ALLC: variants seen among roughly 807,000 people sequenced by gnomAD.
ALLC encodes probable inactive allantoicase.
In ALLC, 40 loss-of-function variants were observed where a neutral mutation model predicts 45.0. The ratio of observed to expected loss-of-function variants is 0.89; its 90% CI spans 0.69 to 1.16. The LOEUF (loss-of-function observed/expected upper bound fraction) is 1.16, where lower values mean the gene tolerates loss of function less well. ALLC is among the 50% of genes most tolerant of loss of function. ALLC has a pLI of 0.00. For synonymous variants in ALLC, 176 were observed against 178.1 expected (o/e 0.99, Z 0.09); for missense variants, 488 against 493.1 (o/e 0.99, Z 0.10).
chr2:3,655,878 T>A (rs541433485), upstream of ALLC, among the ~76,000 whole-genome samples: 81 of 151,812 alleles, frequency 5.3e-4, no homozygotes, highest in Non-Finnish European at 8.8e-4. Context: ...GCTCTGCCCC[T>A]GTGCTTCTGC....
chr2:3,682,005 C>G (rs774317104), intron 6 of ALLC, among the ~76,000 whole-genome samples: 11 of 152,108 alleles, frequency 7.2e-5, no homozygotes, highest in Non-Finnish European at 1.5e-4. Context: ...CGTTTAAACA[C>G]TTTTTATACC....
At chr2:3,650,164 G>C in the ALLC span, among the ~76,000 whole-genome samples, 1 of 152,336 alleles carries the variant, frequency 6.6e-6, no homozygotes, top group Non-Finnish European at 1.5e-5. Context: ...GAAGGGAAGA[G>C]GGCAGCGCTG....
At chr2:3,694,550 T>C (rs1404109849) in intron 7 of ALLC, 2 of 152,252 alleles carry the variant, frequency 1.3e-5, no homozygotes, top group Non-Finnish European at 2.9e-5. Flanking sequence ...TGAAATCGAC[T>C]TCACTTTCAA....
rs528167675 is a variant in ALLC at position 3,701,419 on chromosome 2, G to T, written c.851-93G>T. The T allele has an allele frequency of 5.7e-6, 8 of 1,392,394 alleles. No individual in the cohort carries two copies. In the Admixed American group the frequency reaches 8.1e-5, roughly 14 times the overall value. The allele number at this position is 1,392,394 out of a possible 1,614,324, so 86.3% of individuals were successfully genotyped here. ...GAAGAGCAGGGACTTGTTTTTTGCTGGGTTTTTGATCTTATTAAAAAAGCA... is the reference window on the plus strand; with the variant it reads ...GAAGAGCAGGGACTTGTTTTTTGCTTGGTTTTTGATCTTATTAAAAAAGCA... On this transcript the variant is annotated intron_variant, in intron 10 of 11. Transcript: ENST00000252505.
chr2:3,681,785 T>A, intron 6 of ALLC, 72 bp downstream of exon 6: 17 of 1,243,720 alleles, frequency 1.4e-5, no homozygotes, highest in Non-Finnish European at 1.6e-5. Flanking sequence ...TCTGCACACC[T>A]GGCTGTGCAA....
intron 7 of ALLC, among the ~76,000 whole-genome samples, chr2:3,691,154 G>C (rs1485767350): frequency 6.6e-6 from 1 of 151,696 alleles, no homozygotes; most frequent in Non-Finnish European, 1.5e-5. Context: ...TTTTTGGCCT[G>C]TATGGTTATC....
At position 3,701,537 on chromosome 2, in the gene ALLC, G is replaced by A. The variant is rs766759231; in HGVS notation, c.876G>A (p.Val292=). Residue 292 remains valine (V), a synonymous_variant, in exon 11 of 12, where the codon GTG becomes GTA. Coordinates refer to ENST00000252505, the MANE Select transcript of ALLC (RefSeq NM_018436.4). ...FEGNAPDSCK[V]DGCILTTQEE... is the part of the protein sequence containing the mutation. Reference sequence around the variant, plus strand: ...GCAATGCTCCTGACAGCTGTAAAGTGGATGGGTGCATCCTGACAACTCAGG... The same window carrying A: ...GCAATGCTCCTGACAGCTGTAAAGTAGATGGGTGCATCCTGACAACTCAGG... 6.3e-7 allele frequency: 1 copy of A among 1,595,148 alleles called. No homozygotes were observed. Among genetic ancestry groups the A allele is most frequent in the South Asian group, 1.1e-5 (1 of 87,920 alleles).
chr2:3,677,536 C>A (rs138023406), intron 3 of ALLC, among the ~76,000 whole-genome samples: 1 of 152,218 alleles, frequency 6.6e-6, no homozygotes, highest in Non-Finnish European at 1.5e-5. Context: ...CAGCCAGAGG[C>A]GGTCAATAGC....
At chr2:3,681,842 C>A in intron 6 of ALLC, 129 bp downstream of exon 6, 1 of 675,220 alleles carries the variant, frequency 1.5e-6, no homozygotes, top group Non-Finnish European at 2.4e-6. Context: ...ACATCATTTG[C>A]TTACCCACTG....
At chr2:3,697,609 C>CTCTGTCTG (rs757923260) in intron 10 of ALLC, among the ~76,000 whole-genome samples, 153 bp downstream of exon 10, 2,694 of 146,942 alleles carry the variant, frequency 0.018, 108 homozygotes, top group African/African-American at 0.067. Context: ...ACCCTTAGAA[C>CTCTGTCTG]TCTGTCTGTC....
In ALLC at chr2:3,678,629, G is replaced by A. The variant is rs1046574660; in HGVS notation, c.172+74G>A. 1.1e-5 allele frequency: 14 copies of A among 1,299,022 alleles called. No individual in the cohort carries two copies. The East Asian group carries it at 1.2e-4, about 11-fold the overall frequency. 80.5% of individuals were successfully genotyped at this position (1,299,022 alleles called of 1,614,324 possible). A position where few individuals can be genotyped will look rare whatever the true frequency, so the allele number is the denominator to read the frequency against. ...AAAAACGCAGGCTGTGGCAAAGCCA[G>A]TGTCCGTTTTGGGTCAGCTTTAACA... On this transcript the variant is annotated intron_variant, in intron 4 of 11. Transcript: ENST00000252505.
At chr2:3,653,071 A>G in the ALLC span, among the ~76,000 whole-genome samples, 16 of 152,114 alleles carry the variant, frequency 1.1e-4, no homozygotes, top group African/African-American at 3.1e-4. This position sits in a 1 kb window ranked among gnomAD's most constrained non-coding sequence, Gnocchi z 4.1. Flanking sequence ...CAGCCTGCAG[A>G]TTCTCACTTC....
chr2:3,693,409 A>G (rs1667573900), intron 7 of ALLC, among the ~76,000 whole-genome samples: 2 of 152,278 alleles, frequency 1.3e-5, no homozygotes, highest in South Asian at 4.1e-4. Context: ...TTCTAAAAAC[A>G]GTGCAAGAAA....
At chr2:3,659,748 C>A (rs902672057) in intron 1 of ALLC, among the ~76,000 whole-genome samples, 1 of 152,232 alleles carries the variant, frequency 6.6e-6, no homozygotes, top group Admixed American at 6.5e-5. Flanking sequence ...TGAGAACGGC[C>A]CCTTATACCG....
intron 2 of ALLC, among the ~76,000 whole-genome samples, chr2:3,673,681 C>T (rs1426455700): frequency 3.3e-5 from 5 of 152,238 alleles, no homozygotes; most frequent in Non-Finnish European, 5.9e-5. Flanking sequence ...TGACCTATGG[C>T]GGCCCTTGTG....
chr2:3,648,995 T>C, the ALLC span, among the ~76,000 whole-genome samples: 12 of 152,018 alleles, frequency 7.9e-5, no homozygotes, highest in Non-Finnish European at 1.5e-4. Context: ...CCTGGCCCCG[T>C]AGAGAAGCCT....
chr2:3,679,355 G>A (rs770554925), intron 4 of ALLC, among the ~76,000 whole-genome samples: 2 of 152,190 alleles, frequency 1.3e-5, no homozygotes, highest in Non-Finnish European at 2.9e-5. Context: ...ACCAGTGGTG[G>A]GGCTGGAGGC....
chr2:3,666,612 T>C (rs988725528), intron 1 of ALLC, among the ~76,000 whole-genome samples: 8 of 152,242 alleles, frequency 5.3e-5, no homozygotes, highest in Non-Finnish European at 1.0e-4. Context: ...CAGCCAGGCT[T>C]GTGCTGTGGC....
intron 9 of ALLC, 32 bp from the exon 10 acceptor site, chr2:3,697,316 C>T (rs779628270): frequency 9.6e-6 from 15 of 1,566,576 alleles, no homozygotes; most frequent in East Asian, 6.7e-5. Flanking sequence ...ACTCCAAGTT[C>T]GTTTACCATT....
Sources: allele counts gnomAD v4.1 joint callset (sites outside exome capture counted in the v4.1 genomes callset), GRCh38; gene constraint gnomAD v4.1.1; non-coding constraint Gnocchi (gnomAD v3.1); transcripts MANE v1.5; gene names NCBI Gene and HGNC (gene_info 2026-07-23, HGNC 2026-07-21).